The following TMEM120B variants were observed in gnomAD, a reference collection of about 807,000 sequenced individuals.
TMEM120B encodes transmembrane protein 120B.
In TMEM120B, 31 loss-of-function variants were observed where a neutral mutation model predicts 55.5. The ratio of observed to expected loss-of-function variants is 0.56; its 90% confidence interval spans 0.42 to 0.75. The LOEUF is 0.75. Among genes scored for constraint, TMEM120B ranks in the 30% least tolerant of loss-of-function variants. The pLI, the probability that TMEM120B is intolerant of heterozygous loss-of-function variation, is 0.00. For missense variants in TMEM120B, 399 were observed against 425.5 expected (o/e 0.94, Z 0.55); for synonymous variants, 203 against 176.3 (o/e 1.15, Z -1.20).
At chr12:121,726,260 A>G (rs1219509719) in intron 1 of TMEM120B, among the ~76,000 whole-genome samples, 1 of 152,052 alleles carries the variant, frequency 6.6e-6, no homozygotes, top group African/African-American at 2.4e-5. Flanking sequence ...TATGGCATGT[A>G]AATTATATAT....
At chr12:121,770,471 C>T (rs1449880585) in intron 6 of TMEM120B, among the ~76,000 whole-genome samples, 1 of 152,138 alleles carries the variant, frequency 6.6e-6, no homozygotes, top group African/African-American at 2.4e-5. Flanking sequence ...CTGTAGGAGG[C>T]CCTGAGGTGG....
chr12:121,775,586 C>T lies in TMEM120B; in HGVS notation c.907-23C>T. ...CAGCAGGGCAGATGCCCCAGCCTCGCCCTCCTCTCTGGACTCCCCCAGGTG... is the reference window on the plus strand; with the variant it reads ...CAGCAGGGCAGATGCCCCAGCCTCGTCCTCCTCTCTGGACTCCCCCAGGTG... On this transcript the variant is annotated intron_variant, in intron 11 of 11. Coordinates refer to ENST00000449592, the MANE Select transcript of TMEM120B (RefSeq NM_001080825.2). This position sits in a 1 kb window ranked among gnomAD's most constrained non-coding sequence, Gnocchi z 4.3. The T allele has an allele frequency of 6.2e-7, 1 of 1,604,964 alleles. No individual in the cohort carries two copies. The highest frequency in any genetic ancestry group is 1.1e-5 in the South Asian group (1 of 90,270).
chr12:121,763,896 G>A (rs1873762686), intron 6 of TMEM120B, among the ~76,000 whole-genome samples: 1 of 152,130 alleles, frequency 6.6e-6, no homozygotes, highest in African/African-American at 2.4e-5. Flanking sequence ...TTGTGGTTTC[G>A]TATGGCAGGT....
intron 2 of TMEM120B, among the ~76,000 whole-genome samples, chr12:121,747,003 T>C (rs924120985): frequency 6.6e-6 from 1 of 152,022 alleles, no homozygotes; most frequent in Non-Finnish European, 1.5e-5. Flanking sequence ...AAAATAGTAT[T>C]GTCAGTAATT....
At chr12:121,745,047 T>C (rs1188193916) in intron 2 of TMEM120B, among the ~76,000 whole-genome samples, 1 of 152,192 alleles carries the variant, frequency 6.6e-6, no homozygotes, top group African/African-American at 2.4e-5. Flanking sequence ...GGCCGTGCAG[T>C]GCACTGTGGG....
intron 9 of TMEM120B, among the ~76,000 whole-genome samples, chr12:121,773,995 G>T (rs1874152949): frequency 8.9e-6 from 1 of 112,604 alleles, no homozygotes; most frequent in Admixed American, 1.3e-4. Flanking sequence ...TCTCACTCTT[G>T]CCCAGGCTGC....
rs1874230547 is a variant in TMEM120B at position 121,775,934 on chromosome 12, A to G, written c.*212A>G. ...TGACATATTTAATGCTGGGTCCCCC[A>G]TCGTCCCTGGAACCCGAGGCCTCAC... On this transcript the variant is annotated 3_prime_UTR_variant, in exon 12 of 12. Coordinates refer to ENST00000449592, the MANE Select transcript of TMEM120B (RefSeq NM_001080825.2). This position sits in a 1 kb window ranked among gnomAD's most constrained non-coding sequence, Gnocchi z 4.3. The G allele has an allele frequency of 1.6e-6, 1 of 619,424 alleles. No individual in the cohort carries two copies. Among genetic ancestry groups the G allele is most frequent in the East Asian group, 2.8e-5 (1 of 36,128 alleles). The allele number at this position is 619,424 out of a possible 1,614,324, so 38.4% of individuals were successfully genotyped here. A position where few individuals can be genotyped will look rare whatever the true frequency, so the allele number is the denominator to read the frequency against.
intron 5 of TMEM120B, among the ~76,000 whole-genome samples, chr12:121,760,990 T>G (rs192030093): frequency 6.6e-6 from 1 of 152,144 alleles, no homozygotes; most frequent in Non-Finnish European, 1.5e-5. Flanking sequence ...TTCTTTTGTT[T>G]TTTTTTGGGA....
At chr12:121,753,660 T>G (rs567047918) in intron 5 of TMEM120B, among the ~76,000 whole-genome samples, 1 of 152,092 alleles carries the variant, frequency 6.6e-6, no homozygotes, top group East Asian at 1.9e-4. Flanking sequence ...TTATATACTT[T>G]AAAAGAACAA....
At chr12:121,742,730 C>T (rs532367586) in intron 1 of TMEM120B, among the ~76,000 whole-genome samples, 4 of 152,224 alleles carry the variant, frequency 2.6e-5, no homozygotes, top group South Asian at 2.1e-4. Context: ...GGATTACAGA[C>T]GCCCGCCTGG....
At chr12:121,738,012 C>T (rs1023694871) in intron 1 of TMEM120B, among the ~76,000 whole-genome samples, 1 of 69,396 alleles carries the variant, frequency 1.4e-5, no homozygotes, top group African/African-American at 5.3e-5. Flanking sequence ...CCTGTCTCCA[C>T]AAAAAAAAAA....
chr12:121,735,488 T>A (rs1211210603), intron 1 of TMEM120B, among the ~76,000 whole-genome samples: 6 of 151,434 alleles, frequency 4.0e-5, no homozygotes, highest in African/African-American at 1.5e-4. Context: ...AACCTCCGCG[T>A]CCTGGGATCA....
intron 1 of TMEM120B, among the ~76,000 whole-genome samples, chr12:121,714,192 T>C (rs948310388): frequency 6.6e-6 from 1 of 152,258 alleles, no homozygotes; most frequent in African/African-American, 2.4e-5. Context: ...CTGGGTCCCA[T>C]CCGGTTCTCA....
intron 6 of TMEM120B, among the ~76,000 whole-genome samples, chr12:121,769,387 G>A (rs906538485): frequency 1.2e-4 from 18 of 152,100 alleles, no homozygotes; most frequent in Non-Finnish European, 2.5e-4. Flanking sequence ...TTCTGTACAG[G>A]GCAATGTCAT....
chr12:121,761,305 G>A (rs1332770068), intron 5 of TMEM120B, among the ~76,000 whole-genome samples: 1 of 152,098 alleles, frequency 6.6e-6, no homozygotes, highest in Non-Finnish European at 1.5e-5. Flanking sequence ...AAGTCCTTCC[G>A]TTAACATCCC....
chr12:121,722,515 G>A (rs1299366341), intron 1 of TMEM120B, among the ~76,000 whole-genome samples: 1 of 152,164 alleles, frequency 6.6e-6, no homozygotes, highest in Non-Finnish European at 1.5e-5. Context: ...CCGTGGGAAT[G>A]GATCATTACA....
chr12:121,762,341 C>T (rs1008168731), intron 6 of TMEM120B, among the ~76,000 whole-genome samples: 1 of 151,994 alleles, frequency 6.6e-6, no homozygotes, highest in Non-Finnish European at 1.5e-5. Flanking sequence ...TGCTCTCCGT[C>T]TCTCACTTCT....
Position 121,775,205 on chromosome 12 carries a change from C to T in TMEM120B, c.906+75C>T. 2 of 1,328,344 alleles carry T rather than the reference C, an allele frequency of 1.5e-6. No individual in the cohort carries two copies. The highest frequency in any genetic ancestry group is 2.1e-6 in the Non-Finnish European group (2 of 967,550). The allele number at this position is 1,328,344 out of a possible 1,614,324, so 82.3% of individuals were successfully genotyped here. ...TGGCAGGGATGGGGTGTATGTGTGG[C>T]ATGCTGGGGTGCGGATTCCTGGGGA... On this transcript the variant is annotated intron_variant, in intron 11 of 11. Coordinates refer to ENST00000449592, the MANE Select transcript of TMEM120B (RefSeq NM_001080825.2). This position sits in a 1 kb window ranked among gnomAD's most constrained non-coding sequence, Gnocchi z 4.3.
intron 10 of TMEM120B, 44 bp downstream of exon 10, chr12:121,774,766 C>A (rs759246658): frequency 5.6e-6 from 9 of 1,597,738 alleles, no homozygotes; most frequent in Middle Eastern, 1.7e-4. Flanking sequence ...TCTGGGCTGA[C>A]CCCCAGGAAC....
Sources: gnomAD v4.1 joint callset for allele counts (sites outside exome capture counted in the v4.1 genomes callset) on GRCh38, gnomAD v4.1.1 for gene constraint, Gnocchi (gnomAD v3.1) non-coding constraint, MANE v1.5 for transcripts, NCBI Gene and HGNC (gene_info 2026-07-23, HGNC 2026-07-21) for gene names.